The following ZNF875 variants were observed in gnomAD, a reference collection of about 807,000 sequenced individuals.
The protein encoded by ZNF875 is HKR1, GLI-Kruppel zinc finger family member.
In ZNF875, 14 loss-of-function variants were observed where a neutral mutation model predicts 11.2. That is an observed-to-expected ratio of 1.26 (90% CI 0.83 to 1.96). The LOEUF (loss-of-function observed/expected upper bound fraction) is 1.96. Ranked by LOEUF, ZNF875 falls within the 30% of genes most tolerant of loss-of-function variation. The pLI, the probability that ZNF875 is intolerant of heterozygous loss-of-function variation, is 0.00. For missense variants in ZNF875, 752 were observed against 760.4 expected (o/e 0.99, Z 0.13); for synonymous variants, 301 against 281.1 (o/e 1.07, Z -0.71).
At chr19:37,317,799 C>T (rs1021471668), upstream of ZNF875, 1 of 152,416 alleles carries the variant, frequency 6.6e-6, no homozygotes, top group Non-Finnish European at 1.5e-5. Context: ...GCGTCCCTTC[C>T]TTTTGTGTTG....
upstream of ZNF875, among the ~76,000 whole-genome samples, chr19:37,333,473 G>A (rs562558399): frequency 6.6e-6 from 1 of 152,258 alleles, no homozygotes; most frequent in South Asian, 2.1e-4. Flanking sequence ...TACCCAACAT[G>A]CAAACCTTGT....
At chr19:37,338,926 G>A (rs113892418) in intron 2 of ZNF875, among the ~76,000 whole-genome samples, 1 of 152,182 alleles carries the variant, frequency 6.6e-6, no homozygotes, top group African/African-American at 2.4e-5. Context: ...TTACTGCCAA[G>A]GACCTTTGCC....
At chr19:37,330,808 G>A (rs1173803305), upstream of ZNF875, among the ~76,000 whole-genome samples, 1 of 152,142 alleles carries the variant, frequency 6.6e-6, no homozygotes, top group Non-Finnish European at 1.5e-5. Context: ...CTGTCCCCAA[G>A]ATTCTGGAAG....
rs1293076040 is a variant in ZNF875 at position 37,334,797 on chromosome 19, G to A, written c.-57+15G>A. 2.2e-6 allele frequency: 1 copy of A among 457,138 alleles called. No homozygotes were observed. The highest frequency in any genetic ancestry group is 4.4e-6 in the Non-Finnish European group (1 of 227,532). The allele number at this position is 457,138 out of a possible 1,614,324, so 28.3% of individuals were successfully genotyped here. Reference sequence around the variant, plus strand: ...ACCCGCGTTCCGTGAGTGCCCTATAGGCAGTCAGCATGCCCCTCTGCGTGT... The same window carrying A: ...ACCCGCGTTCCGTGAGTGCCCTATAAGCAGTCAGCATGCCCCTCTGCGTGT... On this transcript the variant is annotated intron_variant, in intron 1 of 4. Coordinates refer to ENST00000392153, the MANE Select transcript of ZNF875 (RefSeq NM_001353803.2).
At chr19:37,356,271 T>G (rs558194828) in intron 4 of ZNF875, among the ~76,000 whole-genome samples, 3 of 152,210 alleles carry the variant, frequency 2.0e-5, no homozygotes, top group Non-Finnish European at 4.4e-5. Flanking sequence ...TAGAACAATT[T>G]ATTTTCCCAG....
chr19:37,330,090 T>C (rs2033143382), upstream of ZNF875, among the ~76,000 whole-genome samples: 1 of 152,190 alleles, frequency 6.6e-6, no homozygotes, highest in Non-Finnish European at 1.5e-5. Context: ...CTCCATAAAT[T>C]ATATATGTTT....
Position 37,336,945 on chromosome 19 carries a change from AC to A in ZNF875, c.33+1689del. Among the ~76,000 whole-genome samples the A allele has an allele frequency of 2.0e-5, 3 of 152,158 alleles. No homozygotes were observed. The South Asian group carries it at 6.2e-4, about 32-fold the overall frequency. On this transcript the variant is annotated intron_variant, in intron 2 of 4. Coordinates refer to ENST00000392153, the MANE Select transcript of ZNF875 (RefSeq NM_001353803.2). ...TAAATAAATATACATATGTTAAGATACAGACTATCTATTCACACATAGAACA... is the reference window on the plus strand; with the variant it reads ...TAAATAAATATACATATGTTAAGATAAGACTATCTATTCACACATAGAACA...
At chr19:37,346,860 T>G in intron 2 of ZNF875, 1 of 266,950 alleles carries the variant, frequency 3.7e-6, no homozygotes. Context: ...TTTTGACCTC[T>G]CATTCTTTTT....
At chr19:37,327,786 C>T (rs951650774) in intron 4 of ZNF875, among the ~76,000 whole-genome samples, 37 of 150,288 alleles carry the variant, frequency 2.5e-4, no homozygotes, top group Admixed American at 6.6e-4. Flanking sequence ...AAATCATACT[C>T]GCTCGTATCA....
Position 37,362,502 on chromosome 19 carries a change from G to T in ZNF875, c.650G>T (p.Gly217Val). 1.2e-6 allele frequency: 2 copies of T among 1,614,202 alleles called. No homozygotes were observed. The highest frequency in any genetic ancestry group is 1.7e-6 in the Non-Finnish European group (2 of 1,180,040). Reference protein sequence around the residue: ...DLEETDKVLHGLEVSGFGEIK... With the variant: ...DLEETDKVLHVLEVSGFGEIK... ...GAGGAAACAGACAAAGTATTGCATG[G>T]TTTAGAAGTCTCAGGATTTGGAGAA... Residue 217 changes from glycine (G) to valine (V), a missense_variant, in exon 5 of 5, where the codon GGT becomes GTT. Physicochemically the swap from Gly to Val is moderately radical, Grantham distance 109. Transcript: ENST00000392153.
chr19:37,335,069 A>G, intron 1 of ZNF875, 100 bp from the exon 2 acceptor site: 1 of 598,872 alleles, frequency 1.7e-6, no homozygotes, highest in South Asian at 1.7e-5. Context: ...TTTCTGTGAC[A>G]TCCCAGACCC....
rs1342022822 is a variant in ZNF875 at position 37,334,761 on chromosome 19, C to A, written c.-78C>A. 1 of 456,266 alleles carries A rather than the reference C, an allele frequency of 2.2e-6. No individual in the cohort carries two copies. The highest frequency in any genetic ancestry group is 2.0e-5 in the African/African-American group (1 of 50,114). 28.3% of individuals were successfully genotyped at this position (456,266 alleles called of 1,614,324 possible). A position where few individuals can be genotyped will look rare whatever the true frequency, so the allele number is the denominator to read the frequency against. Reference sequence around the variant, plus strand: ...GTTACCTGACTTTCGGCTTCAGGATCCGCAGCGTGCACCCGCGTTCCGTGA... The same window carrying A: ...GTTACCTGACTTTCGGCTTCAGGATACGCAGCGTGCACCCGCGTTCCGTGA... On this transcript the variant is annotated 5_prime_UTR_variant, in exon 1 of 5. Coordinates refer to ENST00000392153, the MANE Select transcript of ZNF875 (RefSeq NM_001353803.2).
At chr19:37,340,087 A>G (rs1389391982) in intron 2 of ZNF875, among the ~76,000 whole-genome samples, 1 of 151,940 alleles carries the variant, frequency 6.6e-6, no homozygotes, top group Non-Finnish European at 1.5e-5. Flanking sequence ...GGTTCAAGTG[A>G]TTCTCCTGCC....
At chr19:37,331,583 C>G (rs999753935), upstream of ZNF875, among the ~76,000 whole-genome samples, 2 of 148,664 alleles carry the variant, frequency 1.3e-5, no homozygotes, top group Non-Finnish European at 3.0e-5. Context: ...GGATTAAGGG[C>G]GGTGCAAGAT....
At chr19:37,358,061 T>A (rs1487553614) in intron 4 of ZNF875, 1 of 398,226 alleles carries the variant, frequency 2.5e-6, no homozygotes, top group Non-Finnish European at 4.4e-6. Context: ...TGATGCCTAG[T>A]TTGTTAAAGA....
In ZNF875 at chr19:37,361,344, C is replaced by T. The variant is rs78837317; in HGVS notation, c.257-765C>T. On this transcript the variant is annotated intron_variant, in intron 4 of 4. Transcript: ENST00000392153. ...CAGGATGGTCTCAATCTCTTGACCT[C>T]GTGATCTGCCCGCCTCGGCTTCCCA... 1.4e-4 allele frequency among the ~76,000 whole-genome samples: 22 copies of T among 152,156 alleles called. No individual in the cohort carries two copies. The East Asian group carries it at 1.5e-3, about 11-fold the overall frequency.
At chr19:37,313,234 A>AACT (rs1182163305), upstream of ZNF875, 1 of 151,576 alleles carries the variant, frequency 6.6e-6, no homozygotes, top group Non-Finnish European at 1.5e-5. Context: ...CAACAACAAC[A>AACT]ACAACAACAA....
At chr19:37,322,559 T>A (rs1304731453) in intron 2 of ZNF875, among the ~76,000 whole-genome samples, 3 of 152,356 alleles carry the variant, frequency 2.0e-5, no homozygotes, top group East Asian at 1.9e-4. Context: ...TGGCTTTATT[T>A]ATTAGCTTTC....
chr19:37,340,327 G>A (rs886247432), intron 2 of ZNF875, among the ~76,000 whole-genome samples: 1 of 152,098 alleles, frequency 6.6e-6, no homozygotes, highest in African/African-American at 2.4e-5. Context: ...ATTACACTGT[G>A]CAGATTTTGA....
Sources: gnomAD v4.1 joint callset for allele counts (sites outside exome capture counted in the v4.1 genomes callset) on GRCh38, gnomAD v4.1.1 for gene constraint, MANE v1.5 for transcripts, NCBI Gene and HGNC (gene_info 2026-07-23, HGNC 2026-07-21) for gene names.